The following ASAP1 variants were observed in gnomAD, a reference collection of about 807,000 sequenced individuals.
ASAP1 encodes the protein arf-GAP with SH3 domain, ANK repeat and PH domain-containing protein 1.
Under a neutral mutation model 145.2 loss-of-function variants are expected in ASAP1, and 43 were observed. That is an observed-to-expected ratio of 0.30 (90% confidence interval 0.23 to 0.38). The LOEUF is 0.38. Ranked by LOEUF, ASAP1 falls within the 10% of genes least tolerant of loss-of-function variation. The pLI, the probability that ASAP1 is intolerant of heterozygous loss-of-function variation, is 1.00. For missense variants in ASAP1, 1,018 were observed against 1,355.3 expected (o/e 0.75, Z 3.91); for synonymous variants, 546 against 515.5 (o/e 1.06, Z -0.80).
intron 3 of ASAP1, among the ~76,000 whole-genome samples, chr8:130,257,831 T>TAG: frequency 7.3e-6 from 1 of 136,074 alleles, no homozygotes; most frequent in Non-Finnish European, 1.5e-5. Context: ...ATCTCAGAAG[T>TAG]AGTTCTCCAT....
intron 9 of ASAP1, among the ~76,000 whole-genome samples, chr8:130,178,633 T>C (rs1319560714): frequency 6.6e-6 from 1 of 151,960 alleles, no homozygotes; most frequent in East Asian, 1.9e-4. Flanking sequence ...ATGGTGCAAA[T>C]GGTGCAATAA....
chr8:130,419,653 C>T (rs1321205323), intron 1 of ASAP1, among the ~76,000 whole-genome samples: 1 of 152,050 alleles, frequency 6.6e-6, no homozygotes, highest in Non-Finnish European at 1.5e-5. Context: ...CAAGGGCTTG[C>T]TCCTCCTCTG....
At chr8:130,124,869 A>T (rs1245714985) in intron 17 of ASAP1, among the ~76,000 whole-genome samples, 1 of 152,242 alleles carries the variant, frequency 6.6e-6, no homozygotes, top group Non-Finnish European at 1.5e-5. Context: ...TCTGCACTAA[A>T]GAATGTGTTA....
intron 2 of ASAP1, among the ~76,000 whole-genome samples, chr8:130,378,570 G>A (rs1221325130): frequency 6.6e-6 from 1 of 152,210 alleles, no homozygotes; most frequent in Non-Finnish European, 1.5e-5. Context: ...TTGGAGCTGA[G>A]GTCAGACGGG....
chr8:130,145,216 C>A (rs2097625376), intron 13 of ASAP1, among the ~76,000 whole-genome samples: 1 of 152,162 alleles, frequency 6.6e-6, no homozygotes, highest in African/African-American at 2.4e-5. Flanking sequence ...AGCCACTTTA[C>A]GTCATGCTAT....
chr8:130,366,616 G>A (rs1021540448), intron 2 of ASAP1, among the ~76,000 whole-genome samples: 7 of 152,166 alleles, frequency 4.6e-5, no homozygotes, highest in African/African-American at 1.7e-4. Flanking sequence ...TAGGGGCTAA[G>A]AGTGTGCGAT....
intron 2 of ASAP1, among the ~76,000 whole-genome samples, chr8:130,373,013 TACACACAG>T (rs754990030): frequency 4.4e-5 from 6 of 137,370 alleles, no homozygotes; most frequent in Non-Finnish European, 8.0e-5. Context: ...CAGACACACA[TACACACAG>T]ACACACACAC....
In ASAP1 at chr8:130,111,080, C is replaced by T. The variant is rs142106279; in HGVS notation, c.2401+1014G>A. On this transcript the variant is annotated intron_variant, in intron 24 of 29. Coordinates refer to ENST00000518721, the MANE Select transcript of ASAP1 (RefSeq NM_018482.4). ...CACAGCACAACAACCCTCCTATGAG[C>T]GGGATTCCTCGTCTGGGCGCAGTGG... Among the ~76,000 whole-genome samples, 727 of 151,984 alleles carry T rather than the reference C, an allele frequency of 4.8e-3. 7 individuals carry two copies. The highest frequency in any genetic ancestry group is 0.017 in the African/African-American group (696 of 41,452).
At chr8:130,376,794 T>C (rs1827518159) in intron 2 of ASAP1, among the ~76,000 whole-genome samples, 1 of 149,982 alleles carries the variant, frequency 6.7e-6, no homozygotes. Flanking sequence ...TCCCACATAC[T>C]TGGGAGGCTG....
intron 3 of ASAP1, among the ~76,000 whole-genome samples, chr8:130,284,852 C>G (rs1236471890): frequency 3.4e-5 from 5 of 148,842 alleles, no homozygotes. Flanking sequence ...TACACACACA[C>G]ACACACACAC....
chr8:130,069,296 C>T (rs1564922956), intron 27 of ASAP1, among the ~76,000 whole-genome samples: 1 of 152,122 alleles, frequency 6.6e-6, no homozygotes, highest in South Asian at 2.1e-4. Flanking sequence ...AGTGCAGTGG[C>T]GTGATCTTAG....
intron 27 of ASAP1, 53 bp from the exon 28 acceptor site, chr8:130,061,122 T>C (rs2097418643): frequency 2.0e-6 from 3 of 1,515,652 alleles, no homozygotes; most frequent in African/African-American, 1.4e-5. Flanking sequence ...GCTGCTTTCC[T>C]GTCAGTCACC....
In ASAP1 at chr8:130,263,965, C is replaced by A. The variant is rs114252520; in HGVS notation, c.187-26971G>T. ...TCACACACATTCTTCTTGCCACAGA[C>A]CTCTGTGGTGCACACACTGACAACT... On this transcript the variant is annotated intron_variant, in intron 3 of 29. Transcript: ENST00000518721. 3.8e-3 allele frequency among the ~76,000 whole-genome samples: 582 copies of A among 152,314 alleles called. 8 individuals carry two copies. The highest frequency in any genetic ancestry group is 0.013 in the African/African-American group (558 of 41,570).
intron 13 of ASAP1, among the ~76,000 whole-genome samples, chr8:130,150,963 T>C (rs943196612): frequency 3.3e-5 from 5 of 152,228 alleles, no homozygotes; most frequent in Admixed American, 2.6e-4. Flanking sequence ...CACTCTGGCA[T>C]ACACAGATGA....
In ASAP1 at chr8:130,128,002, C is replaced by T. The variant is rs2097577596; in HGVS notation, c.1306G>A (p.Asp436Asn). 1 of 1,614,118 alleles carries T rather than the reference C, an allele frequency of 6.2e-7. No homozygotes were observed. Among genetic ancestry groups the T allele is most frequent in the Non-Finnish European group, 8.5e-7 (1 of 1,180,018 alleles). ...TCCTCAATAATGGCTTTTGTCAGGTCTTCCAGGCTGTTCTCTCCCGCACTC... is the reference window on the plus strand; with the variant it reads ...TCCTCAATAATGGCTTTTGTCAGGTTTTCCAGGCTGTTCTCTCCCGCACTC... ...EQSAGENSLE[D>N]LTKAIIEDVQ... Residue 436 changes from aspartate (D) to asparagine (N), a missense_variant, in exon 16 of 30, where the codon GAC becomes AAC. Physicochemically the swap from Asp to Asn is conservative, Grantham distance 23. Around this residue, in one of 9 missense-constraint regions of ASAP1, gnomAD observed 153 missense variants for 221.6 expected, o/e 0.69. Transcript: ENST00000518721.
At chr8:130,061,767 T>C (rs953810692) in intron 27 of ASAP1, among the ~76,000 whole-genome samples, 3 of 152,240 alleles carry the variant, frequency 2.0e-5, no homozygotes, top group Non-Finnish European at 4.4e-5. Flanking sequence ...TCCCACTTAC[T>C]ATGTTTAGGA....
At chr8:130,246,955 A>G (rs2136794778) in intron 3 of ASAP1, 1 of 152,336 alleles carries the variant, frequency 6.6e-6, no homozygotes, top group Non-Finnish European at 1.5e-5. Context: ...CCATTTGTTA[A>G]GAGGTCCAAC....
intron 3 of ASAP1, among the ~76,000 whole-genome samples, chr8:130,354,970 C>T (rs1409975100): frequency 2.6e-5 from 4 of 152,234 alleles, no homozygotes; most frequent in South Asian, 2.1e-4. Context: ...ATTGTAACCT[C>T]GGCCTCCCGG....
chr8:130,262,243 A>T, intron 3 of ASAP1, among the ~76,000 whole-genome samples: 1 of 151,530 alleles, frequency 6.6e-6, no homozygotes. Flanking sequence ...AAAAATACAA[A>T]AACTAGCCGG....
Sources: allele counts gnomAD v4.1 joint callset (sites outside exome capture counted in the v4.1 genomes callset), GRCh38; gene constraint gnomAD v4.1.1; regional missense constraint gnomAD v4.1.1; transcripts MANE v1.5; gene names NCBI Gene and HGNC (gene_info 2026-07-23, HGNC 2026-07-21).